Variants in UBXN7 observed in about 807,000 individuals in gnomAD.
UBXN7 encodes the protein UBX domain-containing protein 7.
UBXN7 carries 9 observed loss-of-function variants against 58.0 expected under a neutral mutation model. The observed-to-expected ratio is 0.16, with a 90% CI of 0.09 to 0.27. The LOEUF is 0.27. Among genes scored for constraint, UBXN7 ranks in the 10% least tolerant of loss-of-function variants. UBXN7 has a pLI of 1.00. For missense variants in UBXN7, 328 were observed against 599.6 expected (o/e 0.55, Z 4.73); for synonymous variants, 208 against 205.0 (o/e 1.01, Z -0.12).
At chr3:196,385,411 G>A (rs1417606468) in intron 5 of UBXN7, among the ~76,000 whole-genome samples, 1 of 152,176 alleles carries the variant, frequency 6.6e-6, no homozygotes, top group East Asian at 1.9e-4. Flanking sequence ...TGCAGCCTCT[G>A]CCCGGCCGCC....
chr3:196,351,731 GCT>G lies in UBXN7; in HGVS notation c.*4952_*4953del, dbSNP rs975335193. The G allele has an allele frequency of 5.9e-5, 9 of 152,180 alleles. No individual in the cohort carries two copies. Among genetic ancestry groups the G allele is most frequent in the African/African-American group, 1.9e-4 (8 of 41,432 alleles). 9.4% of individuals were successfully genotyped at this position (152,180 alleles called of 1,614,324 possible). ...AAGTGTGAAGGTAACAACTAGCAGA[GCT>G]GTTACCCAAAGGGCTCTCACACCTC... On this transcript the variant is annotated 3_prime_UTR_variant, in exon 11 of 11. Transcript: ENST00000296328.
At chr3:196,384,374 A>G (rs1003891938) in intron 5 of UBXN7, among the ~76,000 whole-genome samples, 2 of 152,224 alleles carry the variant, frequency 1.3e-5, no homozygotes, top group African/African-American at 4.8e-5. Flanking sequence ...CAGAGGTACA[A>G]AGAGGAGCTG....
Position 196,353,650 on chromosome 3 carries a change from G to GT in UBXN7, c.*3034dup. ...TACAGGTGCACGCCACCACACCCAG[G>GT]TAATTTTTGTATTTTTAGTAGAGAC... is the stretch of plus-strand genomic sequence containing the variant. On this transcript the variant is annotated 3_prime_UTR_variant, in exon 11 of 11. Coordinates refer to ENST00000296328, the MANE Select transcript of UBXN7 (RefSeq NM_015562.2). The GT allele has an allele frequency of 6.6e-6, 1 of 151,684 alleles. No individual in the cohort carries two copies. The highest frequency in any genetic ancestry group is 1.9e-4 in the East Asian group (1 of 5,144). 9.4% of individuals were successfully genotyped at this position (151,684 alleles called of 1,614,324 possible).
At chr3:196,407,459 G>T in intron 1 of UBXN7, 66 bp from the exon 2 acceptor site, 1 of 1,520,130 alleles carries the variant, frequency 6.6e-7, no homozygotes, top group Non-Finnish European at 8.8e-7. Context: ...TCTTTCTTCA[G>T]CTCATATTAG....
intron 1 of UBXN7, among the ~76,000 whole-genome samples, chr3:196,423,680 C>A (rs1439304487): frequency 6.6e-6 from 1 of 152,078 alleles, no homozygotes; most frequent in Non-Finnish European, 1.5e-5. Flanking sequence ...TGGCCTCCAA[C>A]CCCCATCTGA....
chr3:196,400,888 G>C (rs1729941433), intron 3 of UBXN7, among the ~76,000 whole-genome samples: 1 of 152,004 alleles, frequency 6.6e-6, no homozygotes, highest in Non-Finnish European at 1.5e-5. Context: ...AAGCTTCCAA[G>C]GGCATTACTC....
intron 3 of UBXN7, among the ~76,000 whole-genome samples, chr3:196,394,286 CAAAAAAAA>C (rs34194652): frequency 1.1e-5 from 1 of 88,212 alleles, no homozygotes; most frequent in Non-Finnish European, 2.1e-5. Context: ...AACTCCATCT[CAAAAAAAA>C]AAAAAAAAAA....
At chr3:196,401,298 T>TATATATACACAC (rs1269101481) in intron 3 of UBXN7, among the ~76,000 whole-genome samples, 5 of 61,688 alleles carry the variant, frequency 8.1e-5, no homozygotes, top group African/African-American at 4.3e-4. Context: ...TATATATATA[T>TATATATACACAC]ACACACACAC....
intron 1 of UBXN7, among the ~76,000 whole-genome samples, chr3:196,408,090 T>A (rs1398682327): frequency 3.4e-5 from 4 of 117,698 alleles, no homozygotes; most frequent in African/African-American, 9.9e-5. Context: ...AGAGCGAGAC[T>A]CTGTCTCAAA....
intron 5 of UBXN7, among the ~76,000 whole-genome samples, chr3:196,377,415 C>A (rs1457790120): frequency 6.6e-6 from 1 of 152,182 alleles, no homozygotes; most frequent in Non-Finnish European, 1.5e-5. Context: ...CATATCTCAT[C>A]CTTTCAGAAA....
intron 10 of UBXN7, among the ~76,000 whole-genome samples, chr3:196,359,703 G>A (rs1487301501): frequency 2.6e-5 from 4 of 152,052 alleles, no homozygotes; most frequent in African/African-American, 9.7e-5. Context: ...TCAGGAGTTC[G>A]AGACCAGCCT....
At chr3:196,364,180 C>G (rs1339317504) in intron 8 of UBXN7, among the ~76,000 whole-genome samples, 1 of 152,022 alleles carries the variant, frequency 6.6e-6, no homozygotes, top group African/African-American at 2.4e-5. Flanking sequence ...GTTCTAATGC[C>G]ACAGATTTTA....
rs553725881 is a variant in UBXN7 at position 196,431,620 on chromosome 3, G to T, written c.73+707C>A. 2.9e-5 allele frequency: 5 copies of T among 175,102 alleles called. No homozygotes were observed. The South Asian group carries it at 4.1e-4, about 14-fold the overall frequency. The allele number at this position is 175,102 out of a possible 1,614,324, so 10.8% of individuals were successfully genotyped here. On this transcript the variant is annotated intron_variant, in intron 1 of 10. Coordinates refer to ENST00000296328, the MANE Select transcript of UBXN7 (RefSeq NM_015562.2). The stretch of plus-strand genomic sequence containing the variant: ...TCTCCGTCTTTATGATTTTATTATG[G>T]GGAGGTGGGAAACGCCACCCTGGAT...
At chr3:196,420,855 G>C (rs1730660001) in intron 1 of UBXN7, among the ~76,000 whole-genome samples, 1 of 152,146 alleles carries the variant, frequency 6.6e-6, no homozygotes, top group Admixed American at 6.5e-5. Context: ...AGTGCCAAAA[G>C]ACGGACAGTG....
At chr3:196,403,949 A>G (rs1339510184) in intron 2 of UBXN7, among the ~76,000 whole-genome samples, 1 of 152,106 alleles carries the variant, frequency 6.6e-6, no homozygotes, top group Non-Finnish European at 1.5e-5. Flanking sequence ...GTGTGCCTTT[A>G]AAGATTAGTT....
At position 196,393,547 on chromosome 3, in the gene UBXN7, T is replaced by C. The variant is rs1729649252; in HGVS notation, c.355+7A>G. ...GGGAGATGATAAACTGGTCCATAGA[T>C]ACCTACTAGTTTCAGTCTGAAAATC... On this transcript the variant is annotated splice_region_variant and intron_variant, in intron 4 of 10. Coordinates refer to ENST00000296328, the MANE Select transcript of UBXN7 (RefSeq NM_015562.2). 1 of 1,611,698 alleles carries C rather than the reference T, an allele frequency of 6.2e-7. No homozygotes were observed. Among genetic ancestry groups the C allele is most frequent in the Non-Finnish European group, 8.5e-7 (1 of 1,178,618 alleles).
At chr3:196,370,990 T>G (rs959172550) in intron 6 of UBXN7, among the ~76,000 whole-genome samples, 1 of 152,056 alleles carries the variant, frequency 6.6e-6, no homozygotes, top group East Asian at 1.9e-4. Context: ...TGCCACTGCA[T>G]TGCAGCCTGG....
intron 1 of UBXN7, among the ~76,000 whole-genome samples, chr3:196,429,038 C>T (rs1560248139): frequency 6.6e-6 from 1 of 150,496 alleles, no homozygotes; most frequent in Non-Finnish European, 1.5e-5. Context: ...ATCAAAAATC[C>T]GTCATTAGGC....
intron 8 of UBXN7, among the ~76,000 whole-genome samples, chr3:196,364,947 G>A (rs1728620654): frequency 6.6e-6 from 1 of 152,070 alleles, no homozygotes; most frequent in Admixed American, 6.6e-5. Flanking sequence ...CAATGGCTTA[G>A]GTGGATTGTA....
Sources: allele counts gnomAD v4.1 joint callset (sites outside exome capture counted in the v4.1 genomes callset), GRCh38; gene constraint gnomAD v4.1.1; transcripts MANE v1.5; gene names NCBI Gene and HGNC (gene_info 2026-07-23, HGNC 2026-07-21).